SRFBP1: variants seen among roughly 807,000 people sequenced by gnomAD.
SRFBP1 encodes serum response factor binding protein 1.
A neutral mutation model predicts 45.5 loss-of-function variants in SRFBP1; 47 were observed. The ratio of observed to expected loss-of-function variants is 1.03; its 90% CI spans 0.82 to 1.32. The LOEUF (loss-of-function observed/expected upper bound fraction) is 1.32. Ranked by LOEUF, SRFBP1 falls within the 40% of genes most tolerant of loss-of-function variation. The probability of loss-of-function intolerance (pLI) is 0.00; values close to 1 mark genes in which losing one functional copy is unlikely to be tolerated. For missense variants in SRFBP1, 621 were observed against 484.6 expected (o/e 1.28, Z -2.64); for synonymous variants, 203 against 166.3 (o/e 1.22, Z -1.70).
chr5:122,063,310 TTAAAA>T (rs1352321326), intron 2 of SRFBP1: 1 of 151,902 alleles, frequency 6.6e-6, no homozygotes, highest in Non-Finnish European at 1.5e-5. Flanking sequence ...GTCTGAGCAT[TTAAAA>T]TAAGAGTTCT....
intron 4 of SRFBP1, among the ~76,000 whole-genome samples, chr5:121,999,118 A>G (rs942573952): frequency 1.3e-5 from 2 of 152,166 alleles, no homozygotes; most frequent in Admixed American, 6.5e-5. Context: ...ATTTAATGCT[A>G]TGCATTTATC....
In SRFBP1 at chr5:121,974,278, CA is replaced by C. The variant is rs1752258780; in HGVS notation, c.125del (p.Lys42ArgfsTer8). The C allele has an allele frequency of 1.2e-6, 2 of 1,608,488 alleles. No individual in the cohort carries two copies. Among genetic ancestry groups the C allele is most frequent in the Non-Finnish European group, 8.5e-7 (1 of 1,176,046 alleles). On this transcript the variant is annotated frameshift_variant, in exon 2 of 8. Coordinates refer to ENST00000339397, the MANE Select transcript of SRFBP1 (RefSeq NM_152546.3). LOFTEE classifies it high-confidence loss of function. ...GTCAGGAGTGTTGGCCGACTGAAGT[CA>C]AAAAAGTTAGTCATTTAAAGTAATG... ...KLVRSVGRLK[S>X]KKGTEDALLK...
chr5:121,991,652 A>G (rs993591046), intron 3 of SRFBP1, among the ~76,000 whole-genome samples: 3 of 152,174 alleles, frequency 2.0e-5, no homozygotes, highest in African/African-American at 7.2e-5. Flanking sequence ...TTCATAATAT[A>G]TCATTTATTG....
chr5:121,962,630 A>G (rs1185099590), intron 1 of SRFBP1, among the ~76,000 whole-genome samples: 1 of 152,148 alleles, frequency 6.6e-6, no homozygotes, highest in African/African-American at 2.4e-5. Flanking sequence ...GCTATCCTCA[A>G]TTCTTTTTTC....
downstream of SRFBP1, chr5:122,078,047 G>A (rs1754695637): frequency 7.2e-7 from 1 of 1,396,708 alleles, no homozygotes; most frequent in African/African-American, 1.5e-5. Context: ...ATAAAAACGG[G>A]GCTCAAATCA....
intron 5 of SRFBP1, among the ~76,000 whole-genome samples, chr5:122,019,839 C>T (rs991898627): frequency 2.6e-5 from 4 of 151,864 alleles, no homozygotes; most frequent in Non-Finnish European, 2.9e-5. Flanking sequence ...CTTCATAACT[C>T]CAAGACATGA....
chr5:121,997,823 AAAAC>A (rs1186488231), intron 4 of SRFBP1, among the ~76,000 whole-genome samples: 4 of 151,716 alleles, frequency 2.6e-5, no homozygotes, highest in Admixed American at 6.6e-5. Context: ...TGACAAGAAA[AAAAC>A]AAACAACCCC....
At chr5:122,046,499 A>G (rs934112462) in intron 2 of SRFBP1, among the ~76,000 whole-genome samples, 6 of 152,204 alleles carry the variant, frequency 3.9e-5, no homozygotes, top group Admixed American at 2.0e-4. Context: ...CAGTGCCACA[A>G]TAAACATACG....
At chr5:122,016,077 T>G (rs999499323) in intron 4 of SRFBP1, among the ~76,000 whole-genome samples, 1 of 152,218 alleles carries the variant, frequency 6.6e-6, no homozygotes, top group Non-Finnish European at 1.5e-5. Context: ...TTCTACAGTT[T>G]GTGATAGGTT....
rs1299228875 is a variant in SRFBP1 at position 122,027,802 on chromosome 5, G to A, written c.*676G>A. On this transcript the variant is annotated 3_prime_UTR_variant, in exon 8 of 8. Coordinates refer to ENST00000339397, the MANE Select transcript of SRFBP1 (RefSeq NM_152546.3). ...TCATGTACTTTTTGATTCTAAAATA[G>A]TTGTCTAGGACAATTTTGGGATTCT... The A allele has an allele frequency of 6.6e-6, 1 of 152,206 alleles. No homozygotes were observed. The highest frequency in any genetic ancestry group is 1.9e-4 in the East Asian group (1 of 5,182). 9.4% of individuals were successfully genotyped at this position (152,206 alleles called of 1,614,324 possible).
downstream of SRFBP1, among the ~76,000 whole-genome samples, chr5:122,032,786 G>A (rs1228544528): frequency 6.6e-6 from 1 of 152,168 alleles, no homozygotes; most frequent in Non-Finnish European, 1.5e-5. Context: ...TGTCTTCAGG[G>A]TAAATTTCTG....
At chr5:121,979,426 G>C (rs375757821) in intron 3 of SRFBP1, among the ~76,000 whole-genome samples, 22 of 152,116 alleles carry the variant, frequency 1.4e-4, no homozygotes, top group Admixed American at 1.3e-3. Flanking sequence ...TCTCCGTAGG[G>C]TAAAAGATAC....
intron 4 of SRFBP1, among the ~76,000 whole-genome samples, chr5:122,014,573 A>G (rs538863877): frequency 6.6e-6 from 1 of 152,160 alleles, no homozygotes; most frequent in Non-Finnish European, 1.5e-5. Context: ...AAAAAAAATT[A>G]AAAAAATCTT....
At chr5:121,963,134 T>C (rs1301156808) in intron 1 of SRFBP1, among the ~76,000 whole-genome samples, 1 of 152,144 alleles carries the variant, frequency 6.6e-6, no homozygotes, top group Non-Finnish European at 1.5e-5. Context: ...GAGGGACTGG[T>C]ATAAGCAGGA....
rs1471323785 is a variant in SRFBP1 at position 122,027,708 on chromosome 5, TA to T, written c.*586del. 6.6e-6 allele frequency: 1 copy of T among 152,162 alleles called. No homozygotes were observed. Among genetic ancestry groups the T allele is most frequent in the Non-Finnish European group, 1.5e-5 (1 of 68,008 alleles). 9.4% of individuals were successfully genotyped at this position (152,162 alleles called of 1,614,324 possible). A position where few individuals can be genotyped will look rare whatever the true frequency, so the allele number is the denominator to read the frequency against. On this transcript the variant is annotated 3_prime_UTR_variant, in exon 8 of 8. Transcript: ENST00000339397. ...TTAAAAATCATTCTTGTTAGCAAAC[TA>T]AAATAGTAACTTTTATTATGGATGT...
intron 4 of SRFBP1, among the ~76,000 whole-genome samples, chr5:121,999,217 C>A (rs962691953): frequency 6.6e-6 from 1 of 151,914 alleles, no homozygotes. Context: ...TCCTTTGAAC[C>A]CTCTTTGATT....
chr5:122,036,365 C>G (rs1753692427), intron 2 of SRFBP1, among the ~76,000 whole-genome samples: 1 of 152,052 alleles, frequency 6.6e-6, no homozygotes, highest in Admixed American at 6.6e-5. Flanking sequence ...CCCCAAGGAT[C>G]AGGTGAGCAT....
chr5:122,020,166 A>G lies in SRFBP1; in HGVS notation c.431A>G (p.His144Arg), dbSNP rs1753274155. ...TCAAAGAATGCTTCAGAGGACAATCATTCTGAGAATACTTTGTATTCAAAT... is the reference window on the plus strand; with the variant it reads ...TCAAAGAATGCTTCAGAGGACAATCGTTCTGAGAATACTTTGTATTCAAAT... ...ESSKNASEDN[H>R]SENTLYSNDN... Residue 144 changes from histidine (H) to arginine (R), a missense_variant, in exon 6 of 8, where the codon CAT becomes CGT. His to Arg is a conservative substitution (Grantham distance 29). Transcript: ENST00000339397. 1.9e-6 allele frequency: 3 copies of G among 1,608,906 alleles called. No homozygotes were observed. Among genetic ancestry groups the G allele is most frequent in the East Asian group, 4.5e-5 (2 of 44,846 alleles).
At chr5:121,982,699 A>T (rs1179533788) in intron 3 of SRFBP1, among the ~76,000 whole-genome samples, 3 of 151,842 alleles carry the variant, frequency 2.0e-5, no homozygotes, top group Non-Finnish European at 4.4e-5. Flanking sequence ...CTAAGTTTTA[A>T]ATAAGGAACT....
Sources: gnomAD v4.1 joint callset for allele counts (sites outside exome capture counted in the v4.1 genomes callset) on GRCh38, gnomAD v4.1.1 for gene constraint, MANE v1.5 for transcripts, NCBI Gene and HGNC (gene_info 2026-07-23, HGNC 2026-07-21) for gene names.